Variants in CACNA1G observed in about 807,000 individuals in gnomAD.
CACNA1G encodes voltage-dependent T-type calcium channel subunit alpha-1G.
A neutral mutation model predicts 219.4 loss-of-function variants in CACNA1G; 67 were observed. The observed-to-expected ratio is 0.31, with a 90% CI of 0.25 to 0.37. The LOEUF is 0.37. Among genes scored for constraint, CACNA1G ranks in the 10% least tolerant of loss-of-function variants. The pLI is 1.00. For synonymous variants in CACNA1G, 1,296 were observed against 1,345.3 expected (o/e 0.96, Z 0.80); for missense variants, 2,380 against 3,231.4 (o/e 0.74, Z 6.39).
intron 25 of CACNA1G, among the ~76,000 whole-genome samples, chr17:50,608,986 T>G (rs776017500): frequency 2.0e-5 from 3 of 152,304 alleles, no homozygotes; most frequent in Middle Eastern, 3.4e-3. Context: ...TGTGTCTGTC[T>G]GTGTGTCTCT....
Position 50,619,362 on chromosome 17 carries a change from C to A in CACNA1G, c.5782-321C>A, listed in dbSNP as rs145984115. On this transcript the variant is annotated intron_variant, in intron 33 of 37. Transcript: ENST00000359106. ...ATCTCTTTCCTACCCACCCTTTAAC[C>A]TGCCTGATTCTCTTCCATCTCTCCA... 2.6e-5 allele frequency among the ~76,000 whole-genome samples: 4 copies of A among 152,260 alleles called. No homozygotes were observed. In the East Asian group the frequency reaches 7.7e-4, roughly 29 times the overall value.
At chr17:50,586,140 G>A (rs1192080309) in intron 9 of CACNA1G, among the ~76,000 whole-genome samples, 2 of 152,162 alleles carry the variant, frequency 1.3e-5, no homozygotes, top group East Asian at 3.9e-4. Flanking sequence ...ATTGGTTTCT[G>A]TCTCTACCCT....
In CACNA1G at chr17:50,561,169, A is replaced by C; in HGVS notation, c.-291A>C. On this transcript the variant is annotated 5_prime_UTR_variant, in exon 1 of 38. Coordinates refer to ENST00000359106, the MANE Select transcript of CACNA1G (RefSeq NM_018896.5). ...CCGGAGCCTGGGCGCGAAGCGAAGA[A>C]GCCGGAACAAAGTGAGGGGGAGCCG... The C allele has an allele frequency of 3.6e-6, 2 of 551,826 alleles. No homozygotes were observed. The highest frequency in any genetic ancestry group is 6.7e-6 in the Non-Finnish European group (2 of 300,142). 34.2% of individuals were successfully genotyped at this position (551,826 alleles called of 1,614,324 possible). A position where few individuals can be genotyped will look rare whatever the true frequency, so the allele number is the denominator to read the frequency against.
intron 26 of CACNA1G, among the ~76,000 whole-genome samples, chr17:50,614,124 T>C (rs2049902626): frequency 6.6e-6 from 1 of 152,162 alleles, no homozygotes; most frequent in Non-Finnish European, 1.5e-5. Context: ...GGTGCTCTTC[T>C]TCCTTCAGCC....
intron 9 of CACNA1G, among the ~76,000 whole-genome samples, chr17:50,589,277 G>A (rs2043655777): frequency 6.6e-6 from 1 of 151,994 alleles, no homozygotes; most frequent in Non-Finnish European, 1.5e-5. Context: ...ACCCTTGGCT[G>A]GGGAGACTCC....
intron 13 of CACNA1G, among the ~76,000 whole-genome samples, chr17:50,594,245 C>G (rs1022689286): frequency 6.6e-6 from 1 of 152,218 alleles, no homozygotes; most frequent in African/African-American, 2.4e-5. Context: ...CATTCACACA[C>G]TTAATTAAAT....
intron 3 of CACNA1G, 68 bp from the exon 4 acceptor site, chr17:50,569,638 C>A: frequency 9.1e-7 from 1 of 1,104,584 alleles, no homozygotes; most frequent in Non-Finnish European, 1.3e-6. Flanking sequence ...CAGGATTCCT[C>A]ATTGACCTCT....
chr17:50,566,358 G>T (rs936113516), intron 1 of CACNA1G, among the ~76,000 whole-genome samples: 1 of 151,894 alleles, frequency 6.6e-6, no homozygotes, highest in Admixed American at 6.6e-5. Context: ...ATTGTCGTGT[G>T]CCTTGGTCTC....
intron 13 of CACNA1G, 44 bp from the exon 14 acceptor site, chr17:50,594,949 G>A (rs1202354457): frequency 1.7e-5 from 25 of 1,476,438 alleles, no homozygotes; most frequent in Admixed American, 7.9e-5. Context: ...GGCCCCGAGC[G>A]CCTGTGACCA....
intron 9 of CACNA1G, among the ~76,000 whole-genome samples, chr17:50,585,256 C>T (rs1350810533): frequency 6.6e-6 from 1 of 152,162 alleles, no homozygotes; most frequent in East Asian, 1.9e-4. Context: ...AGCGATCCTC[C>T]CACCCCAGCC....
intron 9 of CACNA1G, among the ~76,000 whole-genome samples, chr17:50,589,912 CTGTGTGTGTG>C (rs58484176): frequency 4.2e-5 from 6 of 141,922 alleles, no homozygotes; most frequent in Admixed American, 6.9e-5. Context: ...CTCTCTCTCT[CTGTGTGTGTG>C]TGTGTGTGTG....
Position 50,615,402 on chromosome 17 carries a change from C to A in CACNA1G, c.4801C>A (p.Arg1601=), listed in dbSNP as rs751861938. 1.9e-6 allele frequency: 3 copies of A among 1,612,538 alleles called. No individual in the cohort carries two copies. The highest frequency in any genetic ancestry group is 2.5e-6 in the Non-Finnish European group (3 of 1,178,828). The stretch of plus-strand genomic sequence containing the variant: ...TTACTACTCCGACTACTCCCGCTTC[C>A]GGCTCCTCGTCCACCACTTGTGCAC... ...KPYYSDYSRF[R]LLVHHLCTSH... Residue 1601 remains arginine (R), a synonymous_variant, in exon 27 of 38, where the codon CGG becomes AGG. Transcript: ENST00000359106.
At chr17:50,563,072 A>G (rs1438861301) in intron 1 of CACNA1G, 1 of 152,292 alleles carries the variant, frequency 6.6e-6, no homozygotes, top group Non-Finnish European at 1.5e-5. Flanking sequence ...CTGTGAGCCT[A>G]GCAGGGACTC....
At chr17:50,591,332 G>A (rs962614305) in intron 10 of CACNA1G, 103 bp from the exon 11 acceptor site, 10 of 1,184,490 alleles carry the variant, frequency 8.4e-6, no homozygotes, top group African/African-American at 6.2e-5. Context: ...TTCTCTCGAC[G>A]TGCCCACCCA....
At chr17:50,622,294 C>T (rs371380806) in intron 35 of CACNA1G, among the ~76,000 whole-genome samples, 4 of 152,008 alleles carry the variant, frequency 2.6e-5, no homozygotes, top group South Asian at 2.1e-4. Flanking sequence ...CTGTCTCCTC[C>T]GTCACTGTCC....
At chr17:50,593,904 G>A (rs545407684) in intron 13 of CACNA1G, among the ~76,000 whole-genome samples, 19 of 152,336 alleles carry the variant, frequency 1.2e-4, no homozygotes, top group African/African-American at 3.8e-4. Flanking sequence ...AGTGTCCTTC[G>A]ATGCCCATGG....
intron 16 of CACNA1G, among the ~76,000 whole-genome samples, chr17:50,597,192 C>T (rs886210622): frequency 2.0e-5 from 3 of 152,224 alleles, no homozygotes; most frequent in African/African-American, 4.8e-5. Context: ...CCGCTCTGAT[C>T]TGCTTCTGTA....
chr17:50,587,886 G>A lies in CACNA1G; in HGVS notation c.2302-2585G>A, dbSNP rs372384993. 2.5e-4 allele frequency among the ~76,000 whole-genome samples: 38 copies of A among 152,168 alleles called. 1 individual carries two copies. The East Asian group carries it at 6.0e-3, about 24-fold the overall frequency. On this transcript the variant is annotated intron_variant, in intron 9 of 37. Transcript: ENST00000359106. ...GTGTGCAGGAGAGTGAGGTGTGCAC[G>A]TGTCCACAAGCCATCAGTACAGACT... is the stretch of plus-strand genomic sequence containing the variant.
intron 9 of CACNA1G, among the ~76,000 whole-genome samples, chr17:50,581,146 T>G (rs1430156603): frequency 6.9e-6 from 1 of 144,398 alleles, no homozygotes; most frequent in Non-Finnish European, 1.5e-5. Context: ...GGAGAAAGGA[T>G]ATGGAGGGAG....
Sources: allele counts gnomAD v4.1 joint callset (sites outside exome capture counted in the v4.1 genomes callset), GRCh38; gene constraint gnomAD v4.1.1; transcripts MANE v1.5; gene names NCBI Gene and HGNC (gene_info 2026-07-23, HGNC 2026-07-21).